IFT172: variants seen among roughly 807,000 people sequenced by gnomAD.
IFT172 encodes intraflagellar transport 172.
IFT172 carries 164 observed loss-of-function variants against 248.9 expected under a neutral mutation model. That is an observed-to-expected ratio of 0.66 (90% CI 0.58 to 0.75). The LOEUF (loss-of-function observed/expected upper bound fraction) is 0.75. Among genes scored for constraint, IFT172 ranks in the 30% least tolerant of loss-of-function variants. IFT172 has a pLI of 0.00. For missense variants in IFT172, 1,950 were observed against 2,192.4 expected, an observed-to-expected ratio of 0.89 and a Z score of 2.21; for synonymous variants, 729 against 791.6, an observed-to-expected ratio of 0.92 and a Z score of 1.33.
chr2:27,480,425 T>C (rs887183183), intron 8 of IFT172, among the ~76,000 whole-genome samples: 2 of 151,288 alleles, frequency 1.3e-5, no homozygotes, highest in Admixed American at 6.6e-5. Flanking sequence ...AGCAAAAAAA[T>C]ATGGAACAAG....
intron 7 of IFT172, among the ~76,000 whole-genome samples, chr2:27,481,896 A>G (rs928335921): frequency 6.6e-6 from 1 of 152,108 alleles, no homozygotes; most frequent in Non-Finnish European, 1.5e-5. Context: ...GAGATGTGCT[A>G]CACATTAACC....
In IFT172 at chr2:27,458,169, C is replaced by T; in HGVS notation, c.2932G>A (p.Ala978Thr). The change falls in exon 27 of 48, where the codon GCC becomes ACC. Residue 978 changes from alanine to threonine, a missense_variant. Physicochemically the swap from Ala to Thr is moderately conservative, Grantham distance 58. This residue lies in a region of IFT172 where 1,166 missense variants were observed against 1,254.1 expected (regional missense o/e 0.93). Coordinates refer to ENST00000260570, the MANE Select transcript of IFT172 (RefSeq NM_015662.3). ...EDVSVLYITQ[A>T]QEMEKQGKYR... ...TTGCCCTGCTTCTCCATTTCCTGGG[C>T]CTGAGTGATGTATAGCACTGACACA... is the stretch of plus-strand genomic sequence containing the variant. The T allele has an allele frequency of 1.9e-6, 3 of 1,614,176 alleles. No homozygotes were observed. Among genetic ancestry groups the T allele is most frequent in the Non-Finnish European group, 2.5e-6 (3 of 1,180,038 alleles).
rs764312742 is a variant in IFT172, at chr2:27,458,098, C to T, written c.2975+28G>A. 1.9e-6 allele frequency: 3 copies of T among 1,612,520 alleles called. No homozygotes were observed. In the South Asian group the frequency reaches 3.3e-5, roughly 18 times the overall value. ...CCCAGCCTTGAAATCTCATCTCCCT[C>T]TACACCTCCTCTGGGGCCACGGCTC... On this transcript the variant is annotated intron_variant, in intron 27 of 47. Transcript: ENST00000260570.
chr2:27,465,290 T>C (rs1246671637), intron 18 of IFT172, 121 bp downstream of exon 18: 8 of 775,582 alleles, frequency 1.0e-5, no homozygotes, highest in Non-Finnish European at 1.4e-5. Flanking sequence ...TCTATGCTAT[T>C]TGCTGGCAGT....
Position 27,444,541 on chromosome 2 carries a change from C to T in IFT172, c.5161-20G>A, listed in dbSNP as rs372154058. Reference sequence around the variant, plus strand: ...GGAGGTCTGTGAGCAAATGGAAGAACATGAGAGGAACTTGTTAATGCTGGA... The same window carrying T: ...GGAGGTCTGTGAGCAAATGGAAGAATATGAGAGGAACTTGTTAATGCTGGA... On this transcript the variant is annotated intron_variant, in intron 47 of 47. Transcript: ENST00000260570. The T allele has an allele frequency of 1.2e-4, 188 of 1,593,872 alleles. No individual in the cohort carries two copies. In the African/African-American group the frequency reaches 2.2e-3, roughly 18 times the overall value.
chr2:27,457,640 C>A lies in IFT172; in HGVS notation c.3227G>T (p.Arg1076Met). 1 of 1,613,384 alleles carries A rather than the reference C, an allele frequency of 6.2e-7. No homozygotes were observed. The highest frequency in any genetic ancestry group is 8.5e-7 in the Non-Finnish European group (1 of 1,179,408). The change falls in exon 29 of 48, where the codon AGG becomes ATG. Residue 1076 changes from arginine (R) to methionine (M), a missense_variant and splice_region_variant. By Grantham distance (91) the Arg-to-Met change is moderately conservative. Transcript: ENST00000260570. ...CTCAGTGTGGCCTGAACTCCTTACC[C>A]TGTAGGCCTCTTCCCAAAGCCCACT... ...RASGLWEEAYRVARTQGGANA... is the reference protein window; with the variant it reads ...RASGLWEEAYMVARTQGGANA...
At chr2:27,476,899 T>C (rs1667993820) in intron 13 of IFT172, 173 bp from the exon 14 acceptor site, 1 of 602,022 alleles carries the variant, frequency 1.7e-6, no homozygotes, top group Non-Finnish European at 3.0e-6. Context: ...CACGGCTCAC[T>C]ACAGCTTTGA....
At position 27,449,704 on chromosome 2, in the gene IFT172, C is replaced by T. The variant is rs147668131; in HGVS notation, c.4147G>A (p.Glu1383Lys). ...TTACAAGCTTACCTGGGATCTAACT[C>T]CTTAGCTACACGCTTCGCCTTGTTC... ...EWNKAKRVAK[E>K]LDPRYEDYVD... The change falls in exon 37 of 48, where the codon GAG becomes AAG. Residue 1383 changes from glutamate to lysine, a missense_variant. Glu to Lys is a moderately conservative substitution (Grantham distance 56). Transcript: ENST00000260570. 210 of 1,613,336 alleles carry T rather than the reference C, an allele frequency of 1.3e-4. No homozygotes were observed. The highest frequency in any genetic ancestry group is 9.0e-4 in the Admixed American group (54 of 59,944).
intron 47 of IFT172, among the ~76,000 whole-genome samples, chr2:27,444,730 C>T (rs1664880372): frequency 6.6e-6 from 1 of 152,202 alleles, no homozygotes; most frequent in African/African-American, 2.4e-5. Context: ...TCACTGCAAC[C>T]TCTGCCTCTC....
chr2:27,454,385 T>C lies in IFT172; in HGVS notation c.3499A>G (p.Arg1167Gly). Reference protein sequence around the residue: ...KFEEAEAEFIRAGKPKEAVLM... With the variant: ...KFEEAEAEFIGAGKPKEAVLM... ...ACTGCCTCCTTGGGTTTACCAGCTC[T>C]GATGAATTCAGCTTCAGCCTCTTCG... The change falls in exon 32 of 48, where the codon AGA becomes GGA. Residue 1167 changes from arginine to glycine, a missense_variant. Arg to Gly is a moderately radical substitution (Grantham distance 125). This residue lies in a region of IFT172 where 164 missense variants were observed against 239.3 expected (regional missense o/e 0.69). Coordinates refer to ENST00000260570, the MANE Select transcript of IFT172 (RefSeq NM_015662.3). This position sits in a 1 kb window ranked among gnomAD's most constrained non-coding sequence, Gnocchi z 4.2. 6.2e-7 allele frequency: 1 copy of C among 1,614,208 alleles called. No homozygotes were observed. Among genetic ancestry groups the C allele is most frequent in the Non-Finnish European group, 8.5e-7 (1 of 1,180,038 alleles).
chr2:27,449,531 C>A lies in IFT172; in HGVS notation c.4192G>T (p.Glu1398Ter). 1 of 1,614,218 alleles carries A rather than the reference C, an allele frequency of 6.2e-7. No individual in the cohort carries two copies. Among genetic ancestry groups the A allele is most frequent in the Non-Finnish European group, 8.5e-7 (1 of 1,180,034 alleles). The change falls in exon 38 of 48, where the codon GAG becomes TAG. Residue 1398 changes from glutamate to a stop codon, truncating the protein, a stop_gained. Transcript: ENST00000260570. LOFTEE classifies it high-confidence loss of function. ...ACTTTGCCCTGATTCTTGAGGAACTCTTTATAATGCTGGTCCACATAGTCT... is the reference window on the plus strand; with the variant it reads ...ACTTTGCCCTGATTCTTGAGGAACTATTTATAATGCTGGTCCACATAGTCT... ...YEDYVDQHYK[E>*]FLKNQGKVDS...
rs1418646322 is a variant in IFT172, at chr2:27,449,797, C to T, written c.4054G>A (p.Ala1352Thr). ...AGGTCCAGATTCAGATAGAGCTCTG[C>T]AGCCTGCACAGTGGGAAATCAGCGT... Reference protein sequence around the residue: ...LIGIGKHSAAAELYLNLDLVK... With the variant: ...LIGIGKHSAATELYLNLDLVK... Residue 1352 changes from alanine (A) to threonine (T), a missense_variant, in exon 37 of 48, where the codon GCA becomes ACA. By Grantham distance (58) the Ala-to-Thr change is moderately conservative. Transcript: ENST00000260570. 1.9e-6 allele frequency: 3 copies of T among 1,607,098 alleles called. No individual in the cohort carries two copies. Among genetic ancestry groups the T allele is most frequent in the Admixed American group, 1.7e-5 (1 of 59,134 alleles).
chr2:27,465,841 C>G lies in IFT172; in HGVS notation c.1734G>C (p.Glu578Asp). Reference sequence around the variant, plus strand: ...TAGTCACACCTTCCATCACCATCACCTCGGTCTTTCCCCCGCCCCGCTCCA... The same window carrying G: ...TAGTCACACCTTCCATCACCATCACGTCGGTCTTTCCCCCGCCCCGCTCCA... Reference protein sequence around the residue: ...IGLERGGGKTEVMVMEGVTTV... With the variant: ...IGLERGGGKTDVMVMEGVTTV... Residue 578 changes from glutamate (E) to aspartate (D), a missense_variant, in exon 17 of 48, where the codon GAG (glutamate) becomes GAC (aspartate). Physicochemically the swap from Glu to Asp is conservative, Grantham distance 45. Around this residue, in one of 3 missense-constraint regions of IFT172, gnomAD observed 1,166 missense variants for 1,254.1 expected, o/e 0.93. Coordinates refer to ENST00000260570, the MANE Select transcript of IFT172 (RefSeq NM_015662.3). 6.2e-7 allele frequency: 1 copy of G among 1,614,096 alleles called. No homozygotes were observed. Among genetic ancestry groups the G allele is most frequent in the Non-Finnish European group, 8.5e-7 (1 of 1,179,982 alleles).
At position 27,449,045 on chromosome 2, in the gene IFT172, G is replaced by T; in HGVS notation, c.4312-14C>A. ...AATCTTGTAGTTCTGTACAGGGGTG[G>T]AGGAAAAGCATGAGTGAGGCTGGGA... On this transcript the variant is annotated splice_polypyrimidine_tract_variant and intron_variant, in intron 39 of 47. Transcript: ENST00000260570. The T allele has an allele frequency of 6.9e-7, 1 of 1,451,072 alleles. No homozygotes were observed. Among genetic ancestry groups the T allele is most frequent in the Non-Finnish European group, 9.7e-7 (1 of 1,031,382 alleles). 89.9% of individuals were successfully genotyped at this position (1,451,072 alleles called of 1,614,324 possible). A position where few individuals can be genotyped will look rare whatever the true frequency, so the allele number is the denominator to read the frequency against.
At chr2:27,458,487 A>T (rs1283439605) in intron 26 of IFT172, among the ~76,000 whole-genome samples, 2 of 152,190 alleles carry the variant, frequency 1.3e-5, no homozygotes, top group African/African-American at 4.8e-5. Context: ...TCTGAAGTGT[A>T]GGCGCAAGAA....
intron 30 of IFT172, chr2:27,455,493 G>C (rs1482581109): frequency 4.6e-6 from 1 of 215,540 alleles, no homozygotes; most frequent in Non-Finnish European, 9.2e-6. Flanking sequence ...TGGATCACAA[G>C]GTCAGAAGAT....
intron 4 of IFT172, 115 bp from the exon 5 acceptor site, chr2:27,484,052 C>A: frequency 2.4e-6 from 3 of 1,275,798 alleles, no homozygotes; most frequent in Non-Finnish European, 2.3e-6. Flanking sequence ...GGGAAGGACA[C>A]AGCAGGGCTC....
rs1469030001 is a variant in IFT172, at chr2:27,457,746, C to A, written c.3121G>T (p.Ala1041Ser). 6.2e-7 allele frequency: 1 copy of A among 1,613,966 alleles called. No individual in the cohort carries two copies. Among genetic ancestry groups the A allele is most frequent in the Non-Finnish European group, 8.5e-7 (1 of 1,180,004 alleles). ...THLHLGKELE[A>S]EGRLQEAEYH... ...TCAGCCTCCTGTAGTCGGCCTTCAG[C>A]CTCCAGCTCCTGCAGGAAGGTGAGT... Residue 1041 changes from alanine (A) to serine (S), a missense_variant, in exon 29 of 48, where the codon GCT (alanine) becomes TCT (serine). Transcript: ENST00000260570.
chr2:27,449,084 G>A, intron 39 of IFT172, 53 bp from the exon 40 acceptor site: 1 of 1,160,202 alleles, frequency 8.6e-7, no homozygotes, highest in Non-Finnish European at 1.3e-6. Flanking sequence ...GCAAGACCAA[G>A]CAGTGAGGTG....
Sources: gnomAD v4.1 joint callset for allele counts (sites outside exome capture counted in the v4.1 genomes callset) on GRCh38, gnomAD v4.1.1 for gene constraint, gnomAD v4.1.1 regional missense constraint, Gnocchi (gnomAD v3.1) non-coding constraint, MANE v1.5 for transcripts, NCBI Gene and HGNC (gene_info 2026-07-23, HGNC 2026-07-21) for gene names.